Variants in ANPEP observed in about 807,000 individuals in gnomAD.
The protein encoded by ANPEP is aminopeptidase N.
A neutral mutation model predicts 114.6 loss-of-function variants in ANPEP; 70 were observed. The observed-to-expected ratio is 0.61, with a 90% CI of 0.50 to 0.75. The LOEUF is 0.75. ANPEP is among the 30% of genes least tolerant of loss of function. The pLI is 0.00. For missense variants in ANPEP, 1,184 were observed against 1,259.5 expected, an observed-to-expected ratio of 0.94 and a Z score of 0.91; for synonymous variants, 548 against 522.3, an observed-to-expected ratio of 1.05 and a Z score of -0.67.
intron 1 of ANPEP, 150 bp downstream of exon 1, chr15:89,814,622 T>C (rs1214493938): frequency 6.6e-6 from 1 of 152,250 alleles, no homozygotes; most frequent in Non-Finnish European, 1.5e-5. Flanking sequence ...GCCCTCAGTT[T>C]ACCCATCTGG....
intron 15 of ANPEP, 50 bp downstream of exon 15, chr15:89,797,525 T>C (rs777751551): frequency 1.3e-6 from 2 of 1,579,246 alleles, no homozygotes; most frequent in East Asian, 4.5e-5. Context: ...TAGTGCACTT[T>C]CAGGCACTGG....
In ANPEP at chr15:89,805,201, A is replaced by G; in HGVS notation, c.774T>C (p.Leu258=). Residue 258 remains leucine (L), a synonymous_variant, in exon 4 of 21, where the codon CTT becomes CTC. Coordinates refer to ENST00000300060, the MANE Select transcript of ANPEP (RefSeq NM_001150.3). ...TGACATTCCAGTTGGGGTCTTCTGG[A>G]AGTGGGGTGCTGGGACCTGGGCAGG... ...NMLPKGPSTP[L]PEDPNWNVTE... 6.2e-7 allele frequency: 1 copy of G among 1,614,150 alleles called. No individual in the cohort carries two copies.
At position 89,799,389 on chromosome 15, in the gene ANPEP, G is replaced by A; in HGVS notation, c.1953+37C>T. ...GGCCTTGCAGTCTGGTGCCTGTCCT[G>A]GGGCAGGGGGCAGGGCGAGGGGTGG... is the stretch of plus-strand genomic sequence containing the variant. On this transcript the variant is annotated intron_variant, in intron 13 of 20. Coordinates refer to ENST00000300060, the MANE Select transcript of ANPEP (RefSeq NM_001150.3). The surrounding 1 kb of genome is among the most constrained non-coding windows in gnomAD (Gnocchi z 4.2). 6.2e-7 allele frequency: 1 copy of A among 1,613,982 alleles called. No individual in the cohort carries two copies.
intron 15 of ANPEP, among the ~76,000 whole-genome samples, chr15:89,796,316 T>C (rs1219026340): frequency 6.6e-6 from 1 of 152,234 alleles, no homozygotes; most frequent in Admixed American, 6.5e-5. Flanking sequence ...CAGCAGAGAA[T>C]ACTATTTAGA....
chr15:89,793,003 G>A (rs1190234754), intron 16 of ANPEP, 32 bp downstream of exon 16: 9 of 1,586,574 alleles, frequency 5.7e-6, no homozygotes, highest in Non-Finnish European at 7.8e-6. Context: ...GGGGTGCCCA[G>A]GACTTCCAAA....
rs1407972208 is a variant in ANPEP at position 89,804,632 on chromosome 15, G to C, written c.898-15C>G. ...CAGATCCGGATCTGCAAGGTGTGAG[G>C]AAGAAGCAGACCAGGGGCTCCTGTT... On this transcript the variant is annotated splice_polypyrimidine_tract_variant and intron_variant, in intron 4 of 20. Transcript: ENST00000300060. 6.2e-7 allele frequency: 1 copy of C among 1,611,956 alleles called. No homozygotes were observed. Among genetic ancestry groups the C allele is most frequent in the Admixed American group, 1.7e-5 (1 of 59,962 alleles).
chr15:89,785,153 TG>T lies in ANPEP; in HGVS notation c.*195del. ...CGGGGTTGGCATGAGGGGCAGGGGC[TG>T]GGAGGTGCTCAGGCAGCCTGGGTCA... On this transcript the variant is annotated 3_prime_UTR_variant, in exon 21 of 21. Transcript: ENST00000300060. 1.5e-6 allele frequency: 1 copy of T among 675,082 alleles called. No homozygotes were observed. Among genetic ancestry groups the T allele is most frequent in the Non-Finnish European group, 2.4e-6 (1 of 409,870 alleles). The allele number at this position is 675,082 out of a possible 1,614,324, so 41.8% of individuals were successfully genotyped here. A position where few individuals can be genotyped will look rare whatever the true frequency, so the allele number is the denominator to read the frequency against.
chr15:89,807,341 G>T (rs1048973716), intron 1 of ANPEP, among the ~76,000 whole-genome samples: 1 of 152,168 alleles, frequency 6.6e-6, no homozygotes, highest in Non-Finnish European at 1.5e-5. Context: ...AACAGTATTT[G>T]CCTCTCAGGT....
In ANPEP at chr15:89,797,715, T is replaced by C; in HGVS notation, c.2017A>G (p.Lys673Glu). 6.2e-7 allele frequency: 1 copy of C among 1,614,014 alleles called. No homozygotes were observed. The highest frequency in any genetic ancestry group is 8.5e-7 in the Non-Finnish European group (1 of 1,179,984). ...NDAFNLASAH[K>E]VPVTLALNNT... ...TTCAGCGCCAGAGTGACAGGGACCTTATGGGCACTGGGAATAAACAGAGGG... is the reference window on the plus strand; with the variant it reads ...TTCAGCGCCAGAGTGACAGGGACCTCATGGGCACTGGGAATAAACAGAGGG... Residue 673 changes from lysine to glutamate, a missense_variant, in exon 15 of 21, where the codon AAG becomes GAG. Physicochemically the swap from Lys to Glu is moderately conservative, Grantham distance 56. Transcript: ENST00000300060.
At chr15:89,807,733 C>T (rs1422568785) in intron 1 of ANPEP, among the ~76,000 whole-genome samples, 1 of 152,086 alleles carries the variant, frequency 6.6e-6, no homozygotes, top group East Asian at 1.9e-4. Flanking sequence ...TCTTTCTTAC[C>T]CAAAGCTCAA....
chr15:89,801,451 G>C lies in ANPEP; in HGVS notation c.1726C>G (p.Arg576Gly). The C allele has an allele frequency of 6.2e-7, 1 of 1,614,162 alleles. No homozygotes were observed. The highest frequency in any genetic ancestry group is 1.1e-5 in the South Asian group (1 of 91,080). Reference protein sequence around the residue: ...FLLDPDSNVTRPSEFNYVWIV... With the variant: ...FLLDPDSNVTGPSEFNYVWIV... Reference sequence around the variant, plus strand: ...TCTGCTCACTTGAATTCTGAGGGGCGGGTAACATTGGAATCGGGGTCAAGG... The same window carrying C: ...TCTGCTCACTTGAATTCTGAGGGGCCGGTAACATTGGAATCGGGGTCAAGG... The change falls in exon 11 of 21, where the codon CGC becomes GGC. Residue 576 changes from arginine (R) to glycine (G), a missense_variant. Transcript: ENST00000300060.
chr15:89,807,850 C>A (rs965489025), intron 1 of ANPEP, among the ~76,000 whole-genome samples: 1 of 152,186 alleles, frequency 6.6e-6, no homozygotes, highest in African/African-American at 2.4e-5. Context: ...TCCCCATCCA[C>A]CAGCCCAGTT....
chr15:89,810,770 T>G (rs552504096), intron 1 of ANPEP, among the ~76,000 whole-genome samples: 1 of 152,322 alleles, frequency 6.6e-6, no homozygotes, highest in East Asian at 1.9e-4. Context: ...AGGGCCTGTG[T>G]GATCCAGCCC....
In ANPEP at chr15:89,790,976, G is replaced by C; in HGVS notation, c.2646C>G (p.Ser882Arg). The C allele has an allele frequency of 6.2e-7, 1 of 1,614,156 alleles. No homozygotes were observed. The highest frequency in any genetic ancestry group is 8.5e-7 in the Non-Finnish European group (1 of 1,180,014). The change falls in exon 19 of 21, where the codon AGC becomes AGG. Residue 882 changes from serine (S) to arginine (R), a missense_variant. Ser to Arg is a moderately radical substitution (Grantham distance 110). Transcript: ENST00000300060. ...ACTCGTTAAAAAGCTTCTTCCAGTT[G>C]CTCTGGACAAAGTCCCAGACCAGAC... ...GQGLVWDFVQ[S>R]NWKKLFNDYG... is the part of the protein sequence containing the mutation.
At chr15:89,810,573 CAAAAAAGAAAAAA>C (rs1291617824) in intron 1 of ANPEP, among the ~76,000 whole-genome samples, 3 of 143,450 alleles carry the variant, frequency 2.1e-5, no homozygotes, top group South Asian at 2.2e-4. Flanking sequence ...GACTCTGTTT[CAAAAAAGAAAAAA>C]AAAAAAGAAA....
intron 14 of ANPEP, among the ~76,000 whole-genome samples, chr15:89,798,933 C>T (rs554540199): frequency 6.2e-5 from 9 of 144,280 alleles, no homozygotes; most frequent in South Asian, 2.2e-4. Context: ...AGCGAGACTC[C>T]GTCTCAAAAC....
At chr15:89,800,035 T>G (rs1894555729) in intron 12 of ANPEP, among the ~76,000 whole-genome samples, 1 of 152,076 alleles carries the variant, frequency 6.6e-6, no homozygotes, top group South Asian at 2.1e-4. Flanking sequence ...CATACTTTGT[T>G]TCAGCAGCCA....
chr15:89,797,746 A>T, intron 14 of ANPEP, 24 bp from the exon 15 acceptor site: 3 of 1,613,522 alleles, frequency 1.9e-6, no homozygotes, highest in Non-Finnish European at 2.5e-6. Context: ...GAGGGGCCCA[A>T]GTAAAGCACC....
chr15:89,794,031 C>T (rs1567156013), intron 15 of ANPEP, among the ~76,000 whole-genome samples: 1 of 152,088 alleles, frequency 6.6e-6, no homozygotes, highest in Non-Finnish European at 1.5e-5. Flanking sequence ...TAACAAAGAA[C>T]AGGAGAGGCA....
Sources: allele counts gnomAD v4.1 joint callset (sites outside exome capture counted in the v4.1 genomes callset), GRCh38; gene constraint gnomAD v4.1.1; non-coding constraint Gnocchi (gnomAD v3.1); transcripts MANE v1.5; gene names NCBI Gene and HGNC (gene_info 2026-07-23, HGNC 2026-07-21).